KAT2B: variants seen among roughly 807,000 people sequenced by gnomAD.
KAT2B encodes lysine acetyltransferase 2B, also known as histone acetyltransferase KAT2B.
A neutral mutation model predicts 105.9 loss-of-function variants in KAT2B; 36 were observed. That is an observed-to-expected ratio of 0.34 (90% CI 0.26 to 0.45). The LOEUF (loss-of-function observed/expected upper bound fraction) is 0.45. Ranked by LOEUF, KAT2B falls within the 20% of genes least tolerant of loss-of-function variation. The probability of loss-of-function intolerance (pLI) is 1.00; values close to 1 mark genes in which losing one functional copy is unlikely to be tolerated. For missense variants in KAT2B, 820 were observed against 1,021.6 expected (o/e 0.80, Z 2.69); for synonymous variants, 397 against 377.9 (o/e 1.05, Z -0.59).
intron 17 of KAT2B, among the ~76,000 whole-genome samples, chr3:20,151,608 T>C (rs9878045): frequency 0.1 from 15,748 of 152,184 alleles, 1,413 homozygotes; most frequent in East Asian, 0.35. Context: ...ACAGTGAGGA[T>C]TGAAGAAACC....
At chr3:20,069,179 CAAG>C (rs1250981306) in intron 1 of KAT2B, among the ~76,000 whole-genome samples, 3 of 152,150 alleles carry the variant, frequency 2.0e-5, no homozygotes, top group Admixed American at 2.0e-4. Flanking sequence ...AAGAGTAACT[CAAG>C]GAGGTAGTTA....
At position 20,149,495 on chromosome 3, in the gene KAT2B, C is replaced by CAAAAAAAAAAAAAAAAAAAAAAAA. The variant is rs56091316; in HGVS notation, c.2305+1010_2305+1033dup. ...TGGGCACTGGAGGGAGACCGTATCT[C>CAAAAAAAAAAAAAAAAAAAAAAAA]AAAAAAAAAAAAAAAAAAAAAAAAA... On this transcript the variant is annotated intron_variant, in intron 17 of 17. Coordinates refer to ENST00000263754, the MANE Select transcript of KAT2B (RefSeq NM_003884.5). Among the ~76,000 whole-genome samples the CAAAAAAAAAAAAAAAAAAAAAAAA allele has an allele frequency of 7.8e-4, 33 of 42,438 alleles. 2 individuals are homozygous for CAAAAAAAAAAAAAAAAAAAAAAAA. The highest frequency in any genetic ancestry group is 1.8e-3 in the African/African-American group (14 of 7,694). 27.8% of individuals were successfully genotyped at this position (42,438 alleles called of 152,430 possible).
chr3:20,047,982 T>C (rs1374475173), intron 1 of KAT2B, among the ~76,000 whole-genome samples: 1 of 152,144 alleles, frequency 6.6e-6, no homozygotes, highest in Admixed American at 6.5e-5. Flanking sequence ...AGAAACTAAA[T>C]TAGAAATATC....
At chr3:20,047,834 T>C (rs1226690593) in intron 1 of KAT2B, among the ~76,000 whole-genome samples, 1 of 152,060 alleles carries the variant, frequency 6.6e-6, no homozygotes, top group Non-Finnish European at 1.5e-5. Context: ...CAGGCTGGTC[T>C]CAAACTCCTG....
At chr3:20,103,442 T>C (rs1698944153) in intron 5 of KAT2B, among the ~76,000 whole-genome samples, 1 of 152,120 alleles carries the variant, frequency 6.6e-6, no homozygotes, top group Non-Finnish European at 1.5e-5. Flanking sequence ...TGGTGTCTTA[T>C]TCTGTATCCT....
chr3:20,100,066 T>A, intron 4 of KAT2B, 112 bp downstream of exon 4: 2 of 627,806 alleles, frequency 3.2e-6, no homozygotes, highest in Non-Finnish European at 5.8e-6. Context: ...AGGTTAGAGA[T>A]GTTTACCAGT....
intron 17 of KAT2B, among the ~76,000 whole-genome samples, chr3:20,150,637 C>T (rs930962585): frequency 1.3e-5 from 2 of 152,092 alleles, no homozygotes; most frequent in African/African-American, 4.8e-5. Context: ...CTCATTTTGT[C>T]AATTGAAAAA....
At chr3:20,082,120 C>T (rs1225715016) in intron 2 of KAT2B, among the ~76,000 whole-genome samples, 1 of 152,008 alleles carries the variant, frequency 6.6e-6, no homozygotes, top group Non-Finnish European at 1.5e-5. Flanking sequence ...CTGCAGCCTC[C>T]ACCTCCTGGG....
At chr3:20,142,159 A>C (rs912132016) in intron 13 of KAT2B, among the ~76,000 whole-genome samples, 10 of 152,138 alleles carry the variant, frequency 6.6e-5, no homozygotes, top group Admixed American at 6.5e-4. Flanking sequence ...TGGCCCTTCA[A>C]ACCTACAGGG....
rs1235826995 is a variant in KAT2B, at chr3:20,146,303, C to G, written c.2005-13C>G. ...TTCTTTCCCTAAACACATTTCCTTC[C>G]TGTGCTTTACAGATAATTAAAAAAC... On this transcript the variant is annotated splice_polypyrimidine_tract_variant and intron_variant, in intron 13 of 17. Coordinates refer to ENST00000263754, the MANE Select transcript of KAT2B (RefSeq NM_003884.5). 4.8e-6 allele frequency: 7 copies of G among 1,450,874 alleles called. No homozygotes were observed. The highest frequency in any genetic ancestry group is 6.8e-6 in the Non-Finnish European group (7 of 1,032,134). 89.9% of individuals were successfully genotyped at this position (1,450,874 alleles called of 1,614,324 possible).
At chr3:20,062,194 T>TA (rs1233669168) in intron 1 of KAT2B, among the ~76,000 whole-genome samples, 2 of 36,074 alleles carry the variant, frequency 5.5e-5, no homozygotes, top group African/African-American at 1.1e-4. Flanking sequence ...ATATAAAATA[T>TA]ATATATTTTA....
At chr3:20,125,205 T>C (rs376664578) in intron 9 of KAT2B, among the ~76,000 whole-genome samples, 1 of 148,172 alleles carries the variant, frequency 6.7e-6, no homozygotes, top group Non-Finnish European at 1.5e-5. Flanking sequence ...CTCCAGAGGC[T>C]GAGGCAGGAG....
At chr3:20,041,704 C>T (rs1358573751) in intron 1 of KAT2B, among the ~76,000 whole-genome samples, 4 of 152,130 alleles carry the variant, frequency 2.6e-5, no homozygotes, top group Admixed American at 2.6e-4. Flanking sequence ...GCCTTGTCAG[C>T]TCCTGCGGCC....
intron 5 of KAT2B, among the ~76,000 whole-genome samples, chr3:20,110,935 A>G (rs1699110676): frequency 6.6e-6 from 1 of 152,170 alleles, no homozygotes; most frequent in Non-Finnish European, 1.5e-5. Context: ...CTAGGCGACA[A>G]ATGGTAGAAG....
intron 1 of KAT2B, among the ~76,000 whole-genome samples, chr3:20,058,082 TC>T (rs1401415006): frequency 6.6e-6 from 1 of 152,130 alleles, no homozygotes; most frequent in Non-Finnish European, 1.5e-5. Flanking sequence ...TGCTTTCCAC[TC>T]TCTTTCTGTA....
At chr3:20,129,375 C>CTT (rs537697916) in intron 11 of KAT2B, among the ~76,000 whole-genome samples, 2,747 of 136,216 alleles carry the variant, frequency 0.02, 43 homozygotes, top group Admixed American at 0.025. Context: ...TCTGTACTGT[C>CTT]TTTTTTTTTT....
intron 6 of KAT2B, among the ~76,000 whole-genome samples, chr3:20,114,219 A>G (rs1699168561): frequency 6.6e-6 from 1 of 152,186 alleles, no homozygotes; most frequent in Admixed American, 6.5e-5. Flanking sequence ...TAGCATAGTA[A>G]TTAATCACTG....
At chr3:20,118,555 T>C (rs1699248982) in intron 7 of KAT2B, among the ~76,000 whole-genome samples, 1 of 149,534 alleles carries the variant, frequency 6.7e-6, no homozygotes. Flanking sequence ...AAACCTCATC[T>C]CTACTAAAAA....
In KAT2B at chr3:20,136,998, C is replaced by A; in HGVS notation, c.1806C>A (p.Ile602=). ...AAGAATATCACATAAAGCATGACAT[C>A]CTGAACTTCCTCACATATGCAGATG... ...HLKEYHIKHD[I]LNFLTYADEY... is the part of the protein sequence containing the mutation. The change falls in exon 12 of 18, where the codon ATC becomes ATA. Residue 602 remains isoleucine, a synonymous_variant. Transcript: ENST00000263754. The A allele has an allele frequency of 6.2e-7, 1 of 1,611,290 alleles. No individual in the cohort carries two copies. Among genetic ancestry groups the A allele is most frequent in the Non-Finnish European group, 8.5e-7 (1 of 1,177,626 alleles).
Sources: allele counts gnomAD v4.1 joint callset (sites outside exome capture counted in the v4.1 genomes callset), GRCh38; gene constraint gnomAD v4.1.1; transcripts MANE v1.5; gene names NCBI Gene and HGNC (gene_info 2026-07-23, HGNC 2026-07-21).